Variants in EYA2 observed in about 807,000 individuals in gnomAD.
EYA2 encodes the protein protein phosphatase EYA2.
Under a neutral mutation model 69.2 loss-of-function variants are expected in EYA2, and 31 were observed. The ratio of observed to expected loss-of-function variants is 0.45; its 90% CI spans 0.34 to 0.60. The LOEUF (loss-of-function observed/expected upper bound fraction) is 0.60. EYA2 is among the 20% of genes least tolerant of loss of function. EYA2 has a pLI of 0.02. For missense variants in EYA2, 622 were observed against 701.2 expected (o/e 0.89, Z 1.28); for synonymous variants, 257 against 279.4 (o/e 0.92, Z 0.80).
At chr20:47,170,944 C>T (rs1056338430) in intron 11 of EYA2, among the ~76,000 whole-genome samples, 2 of 152,182 alleles carry the variant, frequency 1.3e-5, no homozygotes, top group Non-Finnish European at 2.9e-5. Context: ...TTTCAAAGCC[C>T]GGCACAATCG....
chr20:46,896,495 T>C (rs1037008652), intron 1 of EYA2, among the ~76,000 whole-genome samples: 1 of 152,222 alleles, frequency 6.6e-6, no homozygotes, highest in Non-Finnish European at 1.5e-5. Context: ...ACAATTTTAC[T>C]CGATAAATAA....
intron 1 of EYA2, among the ~76,000 whole-genome samples, chr20:46,905,272 C>T (rs1438281566): frequency 1.3e-5 from 2 of 152,140 alleles, no homozygotes; most frequent in African/African-American, 4.8e-5. Flanking sequence ...GAGTGACTGC[C>T]CAGCGGCATT....
intron 13 of EYA2, among the ~76,000 whole-genome samples, chr20:47,180,250 C>T (rs552975662): frequency 1.6e-4 from 24 of 152,234 alleles, no homozygotes; most frequent in South Asian, 2.1e-4. Context: ...AGGCTTGTCT[C>T]GAACTCCTGA....
At chr20:46,933,358 C>T (rs1023472702) in intron 1 of EYA2, among the ~76,000 whole-genome samples, 5 of 152,130 alleles carry the variant, frequency 3.3e-5, no homozygotes, top group Non-Finnish European at 4.4e-5. Flanking sequence ...AGGCCCTCAG[C>T]AGCAGCGTGG....
At chr20:46,997,966 C>T (rs2146340111) in intron 2 of EYA2, 1 of 152,428 alleles carries the variant, frequency 6.6e-6, no homozygotes, top group African/African-American at 2.4e-5. Flanking sequence ...TTTAGATTTC[C>T]AGCATGCCAT....
chr20:47,115,114 T>G (rs1025319566), intron 9 of EYA2, among the ~76,000 whole-genome samples: 1 of 152,202 alleles, frequency 6.6e-6, no homozygotes, highest in African/African-American at 2.4e-5. Flanking sequence ...CTGAAGGGTC[T>G]TCATAGCCAA....
chr20:47,143,191 C>G lies in EYA2; in HGVS notation c.978+43C>G, dbSNP rs141609454. 7.5e-4 allele frequency: 1,122 copies of G among 1,491,862 alleles called. 6 individuals carry two copies. In the African/African-American group the frequency reaches 0.014, roughly 19 times the overall value. 92.4% of individuals were successfully genotyped at this position (1,491,862 alleles called of 1,614,324 possible). Reference sequence around the variant, plus strand: ...TCATTTAATATTTGCCATGTTTAATCACCTGCATCTAGTTTATGGGAAGAA... The same window carrying G: ...TCATTTAATATTTGCCATGTTTAATGACCTGCATCTAGTTTATGGGAAGAA... On this transcript the variant is annotated intron_variant, in intron 10 of 15. Coordinates refer to ENST00000327619, the MANE Select transcript of EYA2 (RefSeq NM_005244.5).
At chr20:47,037,373 A>T (rs2146408354) in intron 5 of EYA2, among the ~76,000 whole-genome samples, 1 of 152,338 alleles carries the variant, frequency 6.6e-6, no homozygotes, top group Admixed American at 6.5e-5. Context: ...CTCATGCAAC[A>T]CTGAGAATAG....
At chr20:46,895,249 C>T (rs981410609) in intron 1 of EYA2, among the ~76,000 whole-genome samples, 1 of 152,154 alleles carries the variant, frequency 6.6e-6, no homozygotes, top group African/African-American at 2.4e-5. Context: ...TTTGGGGCAA[C>T]GACCCTGAAG....
chr20:47,023,913 G>T (rs188509125), intron 5 of EYA2, among the ~76,000 whole-genome samples: 1 of 152,242 alleles, frequency 6.6e-6, no homozygotes, highest in Non-Finnish European at 1.5e-5. Context: ...GCTAGTACAG[G>T]CATGAGCCAC....
chr20:47,024,780 C>G (rs975655872), intron 5 of EYA2, among the ~76,000 whole-genome samples: 1 of 152,236 alleles, frequency 6.6e-6, no homozygotes, highest in Non-Finnish European at 1.5e-5. Context: ...GGCCCAATGT[C>G]TTGGAAACCT....
At chr20:47,047,359 A>G (rs1183259953) in intron 5 of EYA2, among the ~76,000 whole-genome samples, 1 of 151,912 alleles carries the variant, frequency 6.6e-6, no homozygotes, top group African/African-American at 2.4e-5. Flanking sequence ...AAGAAAAAAG[A>G]TGAGCAGGCA....
At chr20:46,995,092 G>T (rs1981932125) in intron 2 of EYA2, among the ~76,000 whole-genome samples, 2 of 152,062 alleles carry the variant, frequency 1.3e-5, no homozygotes, top group Admixed American at 6.5e-5. Context: ...GTAGAGGCAG[G>T]GTTTCACCAT....
At chr20:47,078,377 T>C (rs2031604302) in intron 7 of EYA2, among the ~76,000 whole-genome samples, 1 of 150,040 alleles carries the variant, frequency 6.7e-6, no homozygotes, top group South Asian at 2.1e-4. Flanking sequence ...ATGCACTCTT[T>C]TTAAATTTCC....
chr20:47,143,193 C>A, intron 10 of EYA2, 45 bp downstream of exon 10: 5 of 1,479,648 alleles, frequency 3.4e-6, no homozygotes, highest in Non-Finnish European at 4.7e-6. Flanking sequence ...TGTTTAATCA[C>A]CTGCATCTAG....
intron 15 of EYA2, among the ~76,000 whole-genome samples, chr20:47,184,413 CTTTT>C (rs36118012): frequency 1.8e-4 from 21 of 117,848 alleles, no homozygotes; most frequent in African/African-American, 3.5e-4. Flanking sequence ...CATTGCATCC[CTTTT>C]TTTTTTTTTT....
chr20:47,150,548 G>T (rs1400483683), intron 10 of EYA2, among the ~76,000 whole-genome samples: 1 of 150,722 alleles, frequency 6.6e-6, no homozygotes, highest in East Asian at 2.3e-4. Flanking sequence ...GCTCACTGCA[G>T]CCTCGACCTC....
intron 9 of EYA2, among the ~76,000 whole-genome samples, chr20:47,101,278 G>C (rs1343986079): frequency 1.3e-5 from 2 of 152,120 alleles, no homozygotes; most frequent in African/African-American, 4.8e-5. Context: ...GTAGAGATGG[G>C]ATCTCACTGT....
At chr20:47,133,540 G>A (rs79306458) in intron 9 of EYA2, among the ~76,000 whole-genome samples, 3,374 of 152,234 alleles carry the variant, frequency 0.022, 118 homozygotes, top group East Asian at 0.09. Flanking sequence ...ACTGTGTTGG[G>A]AATCCCCAAG....
Sources: gnomAD v4.1 joint callset for allele counts (sites outside exome capture counted in the v4.1 genomes callset) on GRCh38, gnomAD v4.1.1 for gene constraint, MANE v1.5 for transcripts, NCBI Gene and HGNC (gene_info 2026-07-23, HGNC 2026-07-21) for gene names.